The following ZNF618 variants were observed in gnomAD, a reference collection of about 807,000 sequenced individuals.
ZNF618 encodes neural precursor cell expressed, developmentally down-regulated 10.
In ZNF618, 34 loss-of-function variants were observed where a neutral mutation model predicts 103.0. The ratio of observed to expected loss-of-function variants is 0.33; its 90% CI spans 0.25 to 0.44. The LOEUF (loss-of-function observed/expected upper bound fraction) is 0.44. Ranked by LOEUF, ZNF618 falls within the 20% of genes least tolerant of loss-of-function variation. ZNF618 has a pLI of 1.00. For synonymous variants in ZNF618, 551 were observed against 542.2 expected (o/e 1.02, Z -0.23); for missense variants, 1,059 against 1,295.4 (o/e 0.82, Z 2.80).
chr9:114,032,787 C>G (rs111314958), intron 12 of ZNF618, 59 bp downstream of exon 12: 84 of 1,490,232 alleles, frequency 5.6e-5, no homozygotes, highest in Admixed American at 3.5e-4. Flanking sequence ...CCCGCTCCCC[C>G]CTGGCAGCCG....
chr9:113,909,314 C>G (rs1831283795), intron 1 of ZNF618, among the ~76,000 whole-genome samples: 1 of 151,980 alleles, frequency 6.6e-6, no homozygotes, highest in Non-Finnish European at 1.5e-5. Context: ...GGCTAGAGGC[C>G]TTGTGTGTCC....
chr9:113,989,085 C>T (rs1403062705), intron 3 of ZNF618, among the ~76,000 whole-genome samples: 1 of 152,230 alleles, frequency 6.6e-6, no homozygotes, highest in Non-Finnish European at 1.5e-5. Context: ...GCAACAATTT[C>T]TCTCCCTCCG....
At chr9:113,917,941 C>T (rs1832275526) in intron 1 of ZNF618, among the ~76,000 whole-genome samples, 1 of 152,144 alleles carries the variant, frequency 6.6e-6, no homozygotes, top group Non-Finnish European at 1.5e-5. Flanking sequence ...GTTAACTAAC[C>T]TGTAGACCTA....
chr9:113,896,093 A>G (rs1440945147), intron 1 of ZNF618, among the ~76,000 whole-genome samples: 1 of 151,884 alleles, frequency 6.6e-6, no homozygotes, highest in Non-Finnish European at 1.5e-5. Flanking sequence ...AATGACTGGT[A>G]TTCAGGGAGT....
At chr9:113,936,625 A>G (rs1218685023) in intron 1 of ZNF618, among the ~76,000 whole-genome samples, 1 of 152,202 alleles carries the variant, frequency 6.6e-6, no homozygotes, top group Non-Finnish European at 1.5e-5. Context: ...GTACTACAGT[A>G]AGAATAGTAC....
At chr9:113,944,637 G>A (rs74554178) in intron 1 of ZNF618, among the ~76,000 whole-genome samples, 5,259 of 152,240 alleles carry the variant, frequency 0.035, 116 homozygotes, top group South Asian at 0.056. Flanking sequence ...CATGCAAGCC[G>A]CATGTGTAAC....
At chr9:113,893,930 A>C (rs1484645469) in intron 1 of ZNF618, among the ~76,000 whole-genome samples, 2 of 152,150 alleles carry the variant, frequency 1.3e-5, no homozygotes, top group African/African-American at 4.8e-5. Context: ...TTGGAAAATA[A>C]ATTTAGTATA....
At position 114,023,217 on chromosome 9, in the gene ZNF618, G is replaced by T. The variant is rs112281643; in HGVS notation, c.845-5516G>T. ...TCTTGTTCATCTTTTTCTTATTTTC[G>T]TGCCTTCTTTAGTATTAATCAAGTA... is the stretch of plus-strand genomic sequence containing the variant. On this transcript the variant is annotated intron_variant, in intron 10 of 14. Transcript: ENST00000374126. Among the ~76,000 whole-genome samples the T allele has an allele frequency of 1.6e-3, 239 of 151,072 alleles. 1 individual carries two copies. The highest frequency in any genetic ancestry group is 5.7e-3 in the African/African-American group (233 of 41,190).
At chr9:113,953,158 A>G (rs1203654986) in intron 1 of ZNF618, among the ~76,000 whole-genome samples, 2 of 152,190 alleles carry the variant, frequency 1.3e-5, no homozygotes, top group African/African-American at 4.8e-5. Context: ...TCAGTACGTG[A>G]ACGTACTTCG....
rs560017520 is a variant in ZNF618, at chr9:113,885,274, C to T, written c.33+8861C>T. On this transcript the variant is annotated intron_variant, in intron 1 of 14. Transcript: ENST00000374126. ...CCACAGACAAGTTCTTTAGTCCTTC[C>T]GTATCTTAATTTCTGCATCTGAGAA... is the stretch of plus-strand genomic sequence containing the variant. Among the ~76,000 whole-genome samples, 24 of 152,280 alleles carry T rather than the reference C, an allele frequency of 1.6e-4. 1 individual carries two copies. The highest frequency in any genetic ancestry group is 4.6e-4 in the African/African-American group (19 of 41,564).
intron 1 of ZNF618, among the ~76,000 whole-genome samples, chr9:113,926,394 T>C (rs764277293): frequency 6.6e-6 from 1 of 152,108 alleles, no homozygotes; most frequent in Non-Finnish European, 1.5e-5. Context: ...CTGAGCTTCC[T>C]GGATCTGTGG....
chr9:114,007,326 G>GGT, intron 6 of ZNF618, 24 bp from the exon 7 acceptor site: 1 of 1,609,344 alleles, frequency 6.2e-7, no homozygotes, highest in Non-Finnish European at 8.5e-7. Flanking sequence ...CTGGTAACCA[G>GGT]GTGTGTGTTT....
At chr9:114,041,663 G>C (rs1259366164) in intron 13 of ZNF618, among the ~76,000 whole-genome samples, 1 of 152,044 alleles carries the variant, frequency 6.6e-6, no homozygotes, top group African/African-American at 2.4e-5. Context: ...ATTTCTGAGG[G>C]CTCTGTTCTG....
At chr9:113,930,940 A>G (rs1315766932) in intron 1 of ZNF618, among the ~76,000 whole-genome samples, 1 of 152,200 alleles carries the variant, frequency 6.6e-6, no homozygotes, top group East Asian at 1.9e-4. Flanking sequence ...AGCACCTGAC[A>G]ATATTTTTAC....
chr9:113,991,098 A>G (rs552718904), intron 3 of ZNF618, among the ~76,000 whole-genome samples: 2 of 152,172 alleles, frequency 1.3e-5, no homozygotes, highest in Non-Finnish European at 2.9e-5. Context: ...TTCAGTGGGG[A>G]AAGCTCTGGG....
At chr9:114,047,037 T>C (rs1570588) in intron 13 of ZNF618, among the ~76,000 whole-genome samples, 42 of 152,350 alleles carry the variant, frequency 2.8e-4, no homozygotes, top group Admixed American at 2.5e-3. Context: ...CAAGCTGTGA[T>C]ATATCGTATA....
chr9:113,965,708 G>A (rs1837333914), intron 1 of ZNF618, among the ~76,000 whole-genome samples: 3 of 152,128 alleles, frequency 2.0e-5, no homozygotes, highest in Admixed American at 2.0e-4. Context: ...AGAAAGGAAC[G>A]AGCTTGTCTG....
At chr9:113,989,911 C>T (rs1839868863) in intron 3 of ZNF618, among the ~76,000 whole-genome samples, 1 of 152,208 alleles carries the variant, frequency 6.6e-6, no homozygotes, top group South Asian at 2.1e-4. Context: ...GAGGCCTTGG[C>T]CAAAACAGAA....
intron 1 of ZNF618, among the ~76,000 whole-genome samples, chr9:113,916,434 C>T (rs1832085336): frequency 6.6e-6 from 1 of 152,174 alleles, no homozygotes; most frequent in Non-Finnish European, 1.5e-5. Context: ...AAACTGATTT[C>T]AGTTTGACCC....
Sources: allele counts gnomAD v4.1 joint callset (sites outside exome capture counted in the v4.1 genomes callset), GRCh38; gene constraint gnomAD v4.1.1; transcripts MANE v1.5; gene names NCBI Gene and HGNC (gene_info 2026-07-23, HGNC 2026-07-21).